DPP10: variants seen among roughly 807,000 people sequenced by gnomAD.
The protein encoded by DPP10 is dipeptidyl peptidase like 10.
In DPP10, 33 loss-of-function variants were observed where a neutral mutation model predicts 120.9. The ratio of observed to expected loss-of-function variants is 0.27; its 90% CI spans 0.21 to 0.37. The LOEUF (loss-of-function observed/expected upper bound fraction) is 0.37. Among genes scored for constraint, DPP10 ranks in the 10% least tolerant of loss-of-function variants. DPP10 has a pLI of 1.00. For missense variants in DPP10, 816 were observed against 942.8 expected (o/e 0.87, Z 1.76); for synonymous variants, 337 against 326.1 (o/e 1.03, Z -0.36).
intron 5 of DPP10, among the ~76,000 whole-genome samples, chr2:115,644,197 TACA>T (rs2087028308): frequency 6.6e-6 from 1 of 152,186 alleles, no homozygotes; most frequent in Non-Finnish European, 1.5e-5. Flanking sequence ...AGTTCTAGGG[TACA>T]TGTGCACAAC....
intron 1 of DPP10, among the ~76,000 whole-genome samples, chr2:114,881,769 G>A (rs1211166722): frequency 6.6e-6 from 1 of 152,080 alleles, no homozygotes; most frequent in East Asian, 1.9e-4. Flanking sequence ...TGCATCATTG[G>A]ATATGACTGT....
At chr2:114,589,749 T>G (rs1228104898) in intron 1 of DPP10, among the ~76,000 whole-genome samples, 1 of 151,868 alleles carries the variant, frequency 6.6e-6, no homozygotes, top group Non-Finnish European at 1.5e-5. Context: ...ATTATTACCT[T>G]AACCAGATAC....
chr2:114,776,760 A>G (rs1431786836), intron 1 of DPP10, among the ~76,000 whole-genome samples: 1 of 152,180 alleles, frequency 6.6e-6, no homozygotes, highest in Non-Finnish European at 1.5e-5. Flanking sequence ...TAAATTAAAT[A>G]AAGTTAGTGC....
intron 3 of DPP10, among the ~76,000 whole-genome samples, chr2:115,434,901 G>A (rs1222456111): frequency 6.6e-6 from 1 of 151,464 alleles, no homozygotes; most frequent in South Asian, 2.1e-4. Flanking sequence ...CACTTTTTTA[G>A]CTTCCACATG....
At chr2:114,831,217 T>C (rs546125039) in intron 1 of DPP10, among the ~76,000 whole-genome samples, 4 of 152,204 alleles carry the variant, frequency 2.6e-5, no homozygotes, top group African/African-American at 9.6e-5. Context: ...GTTTTTATAC[T>C]AAAAATCTTT....
intron 1 of DPP10, among the ~76,000 whole-genome samples, chr2:115,185,790 A>T (rs2054394489): frequency 6.6e-6 from 1 of 152,200 alleles, no homozygotes; most frequent in African/African-American, 2.4e-5. Flanking sequence ...AAAGAATGTA[A>T]TCTGAACAAT....
chr2:115,730,127 T>C (rs567128799), intron 8 of DPP10, among the ~76,000 whole-genome samples: 2 of 152,282 alleles, frequency 1.3e-5, no homozygotes, highest in South Asian at 4.1e-4. Flanking sequence ...GAACAGATTG[T>C]TTTTGTGACA....
intron 1 of DPP10, among the ~76,000 whole-genome samples, chr2:114,460,690 A>G (rs1678855040): frequency 6.6e-6 from 1 of 152,174 alleles, no homozygotes. Flanking sequence ...TAAGCTTTGT[A>G]GCTTAGTTTG....
At chr2:115,082,226 C>A (rs1243611753) in intron 1 of DPP10, among the ~76,000 whole-genome samples, 1 of 152,058 alleles carries the variant, frequency 6.6e-6, no homozygotes, top group South Asian at 2.1e-4. Flanking sequence ...TAAATAAAAA[C>A]CTTCCTGCTA....
chr2:115,772,138 G>A (rs1036080396), intron 13 of DPP10, among the ~76,000 whole-genome samples: 10 of 151,930 alleles, frequency 6.6e-5, no homozygotes, highest in African/African-American at 2.2e-4. Flanking sequence ...CTACAGTATT[G>A]CATCCTGATA....
chr2:114,846,578 GT>G (rs72304820), intron 1 of DPP10, among the ~76,000 whole-genome samples: 20,405 of 146,614 alleles, frequency 0.14, 1,470 homozygotes, highest in African/African-American at 0.2. Context: ...CTCAGATTCT[GT>G]TTTTTTTTTT....
intron 2 of DPP10, among the ~76,000 whole-genome samples, chr2:115,312,461 G>A (rs1463889302): frequency 6.6e-6 from 1 of 152,116 alleles, no homozygotes; most frequent in African/African-American, 2.4e-5. Flanking sequence ...CTTCAGCCTG[G>A]AAGAACTTTT....
intron 2 of DPP10, among the ~76,000 whole-genome samples, chr2:115,335,463 A>T (rs2063067967): frequency 6.6e-6 from 1 of 152,060 alleles, no homozygotes; most frequent in African/African-American, 2.4e-5. Context: ...CTGATCTCAA[A>T]TGACATAAAT....
intron 1 of DPP10, among the ~76,000 whole-genome samples, chr2:114,507,166 G>A (rs1683742882): frequency 6.6e-6 from 1 of 150,602 alleles, no homozygotes; most frequent in Admixed American, 6.6e-5. Flanking sequence ...TCCCGCCTCA[G>A]CCTCTCGAAT....
At chr2:114,866,588 T>G (rs1690253622) in intron 1 of DPP10, among the ~76,000 whole-genome samples, 1 of 152,230 alleles carries the variant, frequency 6.6e-6, no homozygotes, top group Non-Finnish European at 1.5e-5. Flanking sequence ...AATATTTTTA[T>G]TCCTATTTAA....
intron 1 of DPP10, among the ~76,000 whole-genome samples, chr2:114,738,684 G>A (rs1220396519): frequency 6.6e-6 from 1 of 152,100 alleles, no homozygotes; most frequent in Non-Finnish European, 1.5e-5. Flanking sequence ...TAGAAATATG[G>A]GGTAGAACAT....
intron 1 of DPP10, among the ~76,000 whole-genome samples, chr2:115,210,728 G>T (rs939935090): frequency 2.1e-4 from 32 of 152,050 alleles, no homozygotes; most frequent in Non-Finnish European, 3.8e-4. Flanking sequence ...GTGTGAGATG[G>T]TATCTCATTG....
At chr2:114,866,887 A>G (rs1188733148) in intron 1 of DPP10, among the ~76,000 whole-genome samples, 3 of 152,224 alleles carry the variant, frequency 2.0e-5, no homozygotes, top group Admixed American at 6.5e-5. Context: ...AATAGCTCAA[A>G]CAGGATCATA....
intron 3 of DPP10, among the ~76,000 whole-genome samples, chr2:115,384,877 A>C (rs1337001298): frequency 6.6e-6 from 1 of 152,176 alleles, no homozygotes; most frequent in East Asian, 1.9e-4. Flanking sequence ...TAATTCCCAC[A>C]TATTGTGGGA....
Sources: allele counts gnomAD v4.1 joint callset (sites outside exome capture counted in the v4.1 genomes callset), GRCh38; gene constraint gnomAD v4.1.1; transcripts MANE v1.5; gene names NCBI Gene and HGNC (gene_info 2026-07-23, HGNC 2026-07-21).